The following PTPRD variants were observed in gnomAD, a reference collection of about 807,000 sequenced individuals.
PTPRD encodes receptor-type tyrosine-protein phosphatase delta.
Under a neutral mutation model 214.5 loss-of-function variants are expected in PTPRD, and 34 were observed. The ratio of observed to expected loss-of-function variants is 0.16; its 90% CI spans 0.12 to 0.21. PTPRD has a LOEUF of 0.21. PTPRD is among the 10% of genes least tolerant of loss of function. The pLI is 1.00. For synonymous variants in PTPRD, 1,128 were observed against 845.7 expected, an observed-to-expected ratio of 1.33 and a Z score of -5.79; for missense variants, 2,545 against 2,398.7, an observed-to-expected ratio of 1.06 and a Z score of -1.27.
At chr9:9,874,856 C>T (rs1339650905) in intron 5 of PTPRD, among the ~76,000 whole-genome samples, 1 of 152,122 alleles carries the variant, frequency 6.6e-6, no homozygotes, top group African/African-American at 2.4e-5. Context: ...ATTAGTGATA[C>T]ATTATCCTGT....
At chr9:9,075,059 T>C (rs2099749039) in intron 10 of PTPRD, among the ~76,000 whole-genome samples, 1 of 152,096 alleles carries the variant, frequency 6.6e-6, no homozygotes, top group African/African-American at 2.4e-5. Flanking sequence ...AAAAATTCCC[T>C]ACAAAAAGAT....
intron 10 of PTPRD, among the ~76,000 whole-genome samples, chr9:9,086,661 A>C (rs1261168999): frequency 2.0e-5 from 3 of 152,200 alleles, no homozygotes; most frequent in Non-Finnish European, 2.9e-5. Flanking sequence ...AATTCTGTAC[A>C]TCAGGATGCC....
chr9:8,598,095 C>T (rs2094571293), intron 14 of PTPRD, among the ~76,000 whole-genome samples: 1 of 152,098 alleles, frequency 6.6e-6, no homozygotes. Flanking sequence ...CCTGAGAGAA[C>T]ATCTACCAAC....
intron 9 of PTPRD, among the ~76,000 whole-genome samples, chr9:9,239,079 C>T (rs1193376850): frequency 2.0e-5 from 3 of 151,978 alleles, no homozygotes; most frequent in Admixed American, 6.6e-5. Flanking sequence ...TTGCAATCTC[C>T]CTGTGCCCAT....
chr9:8,370,206 A>G (rs1156338777), intron 39 of PTPRD, among the ~76,000 whole-genome samples: 2 of 33,846 alleles, frequency 5.9e-5, no homozygotes, highest in African/African-American at 1.6e-4. Flanking sequence ...ACATATATAT[A>G]TACACACACA....
chr9:10,165,882 A>G (rs1169174192), intron 3 of PTPRD, among the ~76,000 whole-genome samples: 1 of 151,100 alleles, frequency 6.6e-6, no homozygotes, highest in East Asian at 1.9e-4. Context: ...AAAATTAAAG[A>G]ACATTTAAAT....
chr9:8,436,824 G>T, intron 34 of PTPRD, 135 bp from the exon 35 acceptor site: 1 of 688,086 alleles, frequency 1.5e-6, no homozygotes, highest in Admixed American at 2.7e-5. Flanking sequence ...AGGTGAGGAA[G>T]CAGGCAAATA....
chr9:9,659,344 A>C (rs1440269778), intron 7 of PTPRD, among the ~76,000 whole-genome samples: 1 of 152,076 alleles, frequency 6.6e-6, no homozygotes, highest in Non-Finnish European at 1.5e-5. Context: ...GAGAGAGAAA[A>C]AATTTCAACA....
chr9:9,614,883 T>C (rs1012110242), intron 7 of PTPRD, among the ~76,000 whole-genome samples: 1 of 152,280 alleles, frequency 6.6e-6, no homozygotes, highest in South Asian at 2.1e-4. Flanking sequence ...TACCAATTTA[T>C]TGCCTCAGCT....
intron 3 of PTPRD, among the ~76,000 whole-genome samples, chr9:10,152,998 A>G (rs2099071239): frequency 6.6e-6 from 1 of 152,200 alleles, no homozygotes; most frequent in Non-Finnish European, 1.5e-5. Context: ...ATAGAATTGC[A>G]GTTATCAGGG....
Position 9,749,471 on chromosome 9 carries a change from C to A in PTPRD, c.-325-14900G>T, listed in dbSNP as rs191573026. ...AAGAACAGGGAATTATTTATTGATC[C>A]CCTAAACCCTAAGAGCAGTGATTAT... is the stretch of plus-strand genomic sequence containing the variant. On this transcript the variant is annotated intron_variant, in intron 6 of 45. Coordinates refer to ENST00000381196, the MANE Select transcript of PTPRD (RefSeq NM_002839.4). Among the ~76,000 whole-genome samples the A allele has an allele frequency of 3.3e-5, 5 of 152,094 alleles. No individual in the cohort carries two copies. In the East Asian group the frequency reaches 5.8e-4, roughly 18 times the overall value.
At chr9:9,819,538 G>A (rs1248949953) in intron 5 of PTPRD, among the ~76,000 whole-genome samples, 2 of 151,906 alleles carry the variant, frequency 1.3e-5, no homozygotes, top group African/African-American at 2.4e-5. Context: ...AGCTTCATAG[G>A]GTACATGTGC....
intron 11 of PTPRD, among the ~76,000 whole-genome samples, chr9:8,923,758 C>T (rs1380533528): frequency 1.3e-5 from 2 of 152,176 alleles, no homozygotes; most frequent in Admixed American, 6.5e-5. Context: ...ATGCTACCTA[C>T]CAAACGGCAA....
chr9:8,620,386 T>C (rs752557238), intron 14 of PTPRD, among the ~76,000 whole-genome samples: 2 of 152,084 alleles, frequency 1.3e-5, no homozygotes, highest in Non-Finnish European at 2.9e-5. Context: ...GGAGAATCAG[T>C]TCAGAAATTC....
At chr9:9,120,123 GCCT>G (rs2099816201) in intron 10 of PTPRD, among the ~76,000 whole-genome samples, 1 of 152,156 alleles carries the variant, frequency 6.6e-6, no homozygotes, top group Admixed American at 6.5e-5. Context: ...CAAATGATGT[GCCT>G]GATTATATTT....
intron 5 of PTPRD, among the ~76,000 whole-genome samples, chr9:9,843,965 T>A (rs1179364987): frequency 6.6e-6 from 1 of 152,036 alleles, no homozygotes; most frequent in Non-Finnish European, 1.5e-5. Context: ...TTAATGGTTT[T>A]AATTAGAAAC....
At position 8,340,321 on chromosome 9, in the gene PTPRD, C is replaced by T. The variant is rs369632509; in HGVS notation, c.5253+22G>A. The T allele has an allele frequency of 2.5e-6, 4 of 1,573,554 alleles. No homozygotes were observed. The Admixed American group carries it at 6.8e-5, about 27-fold the overall frequency. ...ACAGAGTAAATGTCTTATGAGGAGA[C>T]ACACAAGGGCCACACACTTACTCTG... On this transcript the variant is annotated intron_variant, in intron 42 of 45. Coordinates refer to ENST00000381196, the MANE Select transcript of PTPRD (RefSeq NM_002839.4).
At chr9:9,455,814 A>C (rs756545990) in intron 8 of PTPRD, among the ~76,000 whole-genome samples, 1 of 151,862 alleles carries the variant, frequency 6.6e-6, no homozygotes, top group Non-Finnish European at 1.5e-5. Context: ...AGTTTTTCAT[A>C]AAGTTCAAAC....
At chr9:9,584,359 C>CTTATTATTATTATTATTATT (rs1554649145) in intron 7 of PTPRD, among the ~76,000 whole-genome samples, 22,674 of 148,934 alleles carry the variant, frequency 0.15, 2,303 homozygotes, top group Non-Finnish European at 0.21. Flanking sequence ...ATTTCATCAC[C>CTTATTATTATTATTATTATT]ATTATTATTA....
Sources: allele counts gnomAD v4.1 joint callset (sites outside exome capture counted in the v4.1 genomes callset), GRCh38; gene constraint gnomAD v4.1.1; transcripts MANE v1.5; gene names NCBI Gene and HGNC (gene_info 2026-07-23, HGNC 2026-07-21).